Variants in ABL2 observed in about 807,000 individuals in gnomAD.
ABL2 encodes tyrosine-protein kinase ABL2.
ABL2 carries 49 observed loss-of-function variants against 107.7 expected under a neutral mutation model. That is an observed-to-expected ratio of 0.45 (90% CI 0.36 to 0.58). The LOEUF (loss-of-function observed/expected upper bound fraction) is 0.58. Among genes scored for constraint, ABL2 ranks in the 20% least tolerant of loss-of-function variants. The pLI is 0.00. For synonymous variants in ABL2, 549 were observed against 548.6 expected (o/e 1.00, Z -0.01); for missense variants, 1,245 against 1,457.0 (o/e 0.85, Z 2.37).
In ABL2 at chr1:179,106,854, G is replaced by A. The variant is rs908411437; in HGVS notation, c.*864C>T. ...ACTACTATTTTCAAAATCAACACTGGTTAATGCTCTGAATGCTACCAGGAA... is the reference window on the plus strand; with the variant it reads ...ACTACTATTTTCAAAATCAACACTGATTAATGCTCTGAATGCTACCAGGAA... On this transcript the variant is annotated 3_prime_UTR_variant, in exon 12 of 12. Transcript: ENST00000502732. The A allele has an allele frequency of 1.7e-5, 4 of 231,048 alleles. No individual in the cohort carries two copies. Among genetic ancestry groups the A allele is most frequent in the Non-Finnish European group, 3.4e-5 (4 of 116,798 alleles). 14.3% of individuals were successfully genotyped at this position (231,048 alleles called of 1,614,324 possible).
intron 1 of ABL2, among the ~76,000 whole-genome samples, chr1:179,166,725 C>T (rs1428675162): frequency 1.4e-5 from 2 of 145,900 alleles, no homozygotes; most frequent in East Asian, 4.1e-4. Flanking sequence ...TGCAGGGAGC[C>T]GAGATCACAT....
chr1:179,196,869 T>C (rs1414288326), intron 1 of ABL2, among the ~76,000 whole-genome samples: 1 of 152,064 alleles, frequency 6.6e-6, no homozygotes, highest in Non-Finnish European at 1.5e-5. Flanking sequence ...ACCACAATTT[T>C]TTTATAAGAC....
At chr1:179,227,599 TC>T (rs1292302281) in intron 1 of ABL2, among the ~76,000 whole-genome samples, 2 of 152,228 alleles carry the variant, frequency 1.3e-5, no homozygotes, top group African/African-American at 4.8e-5. Context: ...TAGTAACACT[TC>T]CCACAAAGTG....
intron 1 of ABL2, among the ~76,000 whole-genome samples, chr1:179,156,921 AT>A (rs1274102784): frequency 2.8e-4 from 36 of 127,340 alleles, no homozygotes; most frequent in African/African-American, 8.1e-4. Flanking sequence ...AAATAAATAA[AT>A]AAATAAATAA....
rs553232036 is a variant in ABL2, at chr1:179,107,629, T to C, written c.*89A>G. The C allele has an allele frequency of 3.2e-5, 48 of 1,516,388 alleles. No individual in the cohort carries two copies. The East Asian group carries it at 9.5e-4, about 30-fold the overall frequency. 93.9% of individuals were successfully genotyped at this position (1,516,388 alleles called of 1,614,324 possible). On this transcript the variant is annotated 3_prime_UTR_variant, in exon 12 of 12. Transcript: ENST00000502732. The stretch of plus-strand genomic sequence containing the variant: ...ATAAACACACTCAAGTATGAGTCTT[T>C]CATTTTCTGAAAACAAGAACACAGG...
intron 1 of ABL2, among the ~76,000 whole-genome samples, chr1:179,149,520 A>G (rs1274481794): frequency 6.6e-6 from 1 of 152,252 alleles, no homozygotes; most frequent in Non-Finnish European, 1.5e-5. Flanking sequence ...ATAAGATGAC[A>G]TCTAGGACTT....
At chr1:179,195,101 A>C (rs768756139) in intron 1 of ABL2, among the ~76,000 whole-genome samples, 3 of 152,162 alleles carry the variant, frequency 2.0e-5, no homozygotes, top group African/African-American at 4.8e-5. Context: ...CAGCCTGGCC[A>C]ACAAGGTGAA....
intron 1 of ABL2, 48 bp downstream of exon 1, chr1:179,229,193 A>T: frequency 6.5e-6 from 2 of 307,260 alleles, no homozygotes; most frequent in South Asian, 1.1e-4. Context: ...CCCCGACCCC[A>T]CCCCCGGCCT....
At chr1:179,149,217 C>T (rs921199103) in intron 1 of ABL2, among the ~76,000 whole-genome samples, 1 of 152,206 alleles carries the variant, frequency 6.6e-6, no homozygotes, top group Non-Finnish European at 1.5e-5. Context: ...TGCAAACCAG[C>T]CATAACATTC....
intron 1 of ABL2, among the ~76,000 whole-genome samples, chr1:179,169,158 T>C (rs546492756): frequency 1.3e-5 from 2 of 152,236 alleles, no homozygotes; most frequent in South Asian, 4.1e-4. Flanking sequence ...GAAATATCAG[T>C]GTAACACAAA....
intron 3 of ABL2, among the ~76,000 whole-genome samples, chr1:179,128,938 A>G (rs1459164515): frequency 1.3e-5 from 2 of 151,784 alleles, no homozygotes; most frequent in African/African-American, 2.4e-5. Flanking sequence ...TCCTGCCTCA[A>G]CCTCCCAAAG....
At chr1:179,115,130 ACT>A (rs1448225160) in intron 8 of ABL2, 100 bp from the exon 9 acceptor site, 32 of 1,096,586 alleles carry the variant, frequency 2.9e-5, no homozygotes, top group Admixed American at 2.1e-4. Flanking sequence ...ACATTCACAC[ACT>A]GTTACAACAA....
rs945117499 is a variant in ABL2 at position 179,128,050 on chromosome 1, C to T, written c.392-1378G>A. Among the ~76,000 whole-genome samples the T allele has an allele frequency of 3.4e-5, 5 of 147,462 alleles. No homozygotes were observed. In the East Asian group the frequency reaches 8.0e-4, roughly 24 times the overall value. ...ACTGCTAAAAAAAAAAAAAAAAGCA[C>T]ATGGCCAGAAGTATCAGGCAAAAGT... On this transcript the variant is annotated intron_variant, in intron 3 of 11. Coordinates refer to ENST00000502732, the MANE Select transcript of ABL2 (RefSeq NM_007314.4).
In ABL2 at chr1:179,112,371, G is replaced by A. The variant is rs1314219219; in HGVS notation, c.1589C>T (p.Pro530Leu). The change falls in exon 10 of 12, where the codon CCC (proline) becomes CTC (leucine). Residue 530 changes from proline (P) to leucine (L), a missense_variant. By Grantham distance (98) the Pro-to-Leu change is moderately conservative. Transcript: ENST00000502732. ...AGCTTGGTGTGTTTCAGCAAAAGAG[G>A]GCCTATCGGCAGGGCTCCACTTCCA... ...ACWKWSPADR[P>L]SFAETHQAFE... 1 of 1,613,574 alleles carries A rather than the reference G, an allele frequency of 6.2e-7. No homozygotes were observed. The highest frequency in any genetic ancestry group is 1.7e-5 in the Admixed American group (1 of 60,002).
chr1:179,228,284 T>C (rs1364503969), intron 1 of ABL2, among the ~76,000 whole-genome samples: 1 of 151,820 alleles, frequency 6.6e-6, no homozygotes, highest in Non-Finnish European at 1.5e-5. Flanking sequence ...GAGGCAGAGA[T>C]TGCAGTGAGC....
At chr1:179,122,000 A>T in intron 4 of ABL2, 133 bp from the exon 5 acceptor site, 1 of 872,082 alleles carries the variant, frequency 1.1e-6, no homozygotes, top group African/African-American at 1.9e-5. Context: ...ATCTCGGCTC[A>T]CTGCAAGCTC....
intron 1 of ABL2, among the ~76,000 whole-genome samples, chr1:179,141,867 C>G (rs553622044): frequency 3.3e-5 from 5 of 152,064 alleles, no homozygotes; most frequent in Admixed American, 2.6e-4. Flanking sequence ...AAGCTAAGAA[C>G]GAACATATTT....
intron 7 of ABL2, among the ~76,000 whole-genome samples, chr1:179,117,960 A>C (rs1226120222): frequency 6.6e-6 from 1 of 151,916 alleles, no homozygotes; most frequent in African/African-American, 2.4e-5. Context: ...CTACAAAAAA[A>C]AAACAAAAAA....
At position 179,101,680 on chromosome 1, in the gene ABL2, C is replaced by T. The variant is rs1206585872; in HGVS notation, c.*6038G>A. ...GCCACTGTGCCCAGCCAAAAGGTAT[C>T]ATCTTGTACATACTCAAGATAGAAT... On this transcript the variant is annotated 3_prime_UTR_variant, in exon 12 of 12. Transcript: ENST00000502732. The T allele has an allele frequency of 5.5e-6, 1 of 180,444 alleles. No homozygotes were observed. The highest frequency in any genetic ancestry group is 9.1e-5 in the East Asian group (1 of 10,938). The allele number at this position is 180,444 out of a possible 1,614,324, so 11.2% of individuals were successfully genotyped here. A position where few individuals can be genotyped will look rare whatever the true frequency, so the allele number is the denominator to read the frequency against.
Sources: allele counts gnomAD v4.1 joint callset (sites outside exome capture counted in the v4.1 genomes callset), GRCh38; gene constraint gnomAD v4.1.1; transcripts MANE v1.5; gene names NCBI Gene and HGNC (gene_info 2026-07-23, HGNC 2026-07-21).